TTC28: variants seen among roughly 807,000 people sequenced by gnomAD.
TTC28 encodes the protein tetratricopeptide repeat protein 28.
Under a neutral mutation model 198.0 loss-of-function variants are expected in TTC28, and 61 were observed. The ratio of observed to expected loss-of-function variants is 0.31; its 90% CI spans 0.25 to 0.38. TTC28 has a LOEUF of 0.38. Among genes scored for constraint, TTC28 ranks in the 10% least tolerant of loss-of-function variants. TTC28 has a pLI of 1.00. For synonymous variants in TTC28, 1,171 were observed against 1,297.8 expected (o/e 0.90, Z 2.10); for missense variants, 2,678 against 3,164.0 (o/e 0.85, Z 3.69).
chr22:27,987,593 G>A (rs926704746), intron 21 of TTC28, among the ~76,000 whole-genome samples: 4 of 152,146 alleles, frequency 2.6e-5, no homozygotes, highest in African/African-American at 9.7e-5. Context: ...TTAGCTGGGC[G>A]TGGGTGGTGC....
At chr22:28,465,315 T>A (rs1047808744) in intron 2 of TTC28, among the ~76,000 whole-genome samples, 6 of 152,136 alleles carry the variant, frequency 3.9e-5, no homozygotes, top group African/African-American at 1.4e-4. Flanking sequence ...CCCAACTTTA[T>A]AGGAGGCACA....
chr22:28,276,317 A>G (rs1298085995), intron 5 of TTC28, among the ~76,000 whole-genome samples: 2 of 152,026 alleles, frequency 1.3e-5, no homozygotes, highest in Admixed American at 6.6e-5. Flanking sequence ...CTGGCCCACT[A>G]TTTTTTATTA....
At chr22:28,520,022 A>C (rs771367048) in intron 2 of TTC28, among the ~76,000 whole-genome samples, 3 of 152,224 alleles carry the variant, frequency 2.0e-5, no homozygotes, top group Non-Finnish European at 4.4e-5. Context: ...ACTATTTTAC[A>C]GTTCTAATAT....
At chr22:28,389,129 T>C (rs2046669755) in intron 2 of TTC28, among the ~76,000 whole-genome samples, 1 of 152,234 alleles carries the variant, frequency 6.6e-6, no homozygotes, top group Admixed American at 6.5e-5. Context: ...GTTCTGTTTA[T>C]ATACTGGATT....
intron 2 of TTC28, among the ~76,000 whole-genome samples, chr22:28,503,285 C>T (rs1255527989): frequency 6.6e-6 from 1 of 152,148 alleles, no homozygotes; most frequent in African/African-American, 2.4e-5. Context: ...ATGCTCTCAT[C>T]CCCAGCTGTA....
intron 6 of TTC28, among the ~76,000 whole-genome samples, chr22:28,145,058 T>C (rs928460531): frequency 6.6e-6 from 1 of 152,202 alleles, no homozygotes; most frequent in Non-Finnish European, 1.5e-5. Flanking sequence ...TCAGTTCCTG[T>C]GGCATCACAG....
At chr22:28,112,871 G>C (rs1454341342) in intron 6 of TTC28, among the ~76,000 whole-genome samples, 1 of 152,138 alleles carries the variant, frequency 6.6e-6, no homozygotes, top group African/African-American at 2.4e-5. Flanking sequence ...TCCTCACAAA[G>C]CCGAGTTCTC....
intron 2 of TTC28, among the ~76,000 whole-genome samples, chr22:28,465,349 G>A (rs1270051637): frequency 1.3e-5 from 2 of 151,878 alleles, no homozygotes; most frequent in African/African-American, 2.4e-5. Flanking sequence ...TCCTGGGCCG[G>A]GCACCGTGGC....
rs926859091 is a variant in TTC28, at chr22:28,163,298, T to C, written c.1235A>G (p.Lys412Arg). 1 of 1,551,900 alleles carries C rather than the reference T, an allele frequency of 6.4e-7. No individual in the cohort carries two copies. Among genetic ancestry groups the C allele is most frequent in the African/African-American group, 1.4e-5 (1 of 73,054 alleles). ...SAYHYRRNFD[K>R]AMSYHNYVLE... ...GACATAGTTATGGTAAGACATGGCC[T>C]TGTCAAAGTTCCTCCGGTAGTGATA... The change falls in exon 6 of 23, where the codon AAG becomes AGG. Residue 412 changes from lysine to arginine, a missense_variant. Transcript: ENST00000397906.
chr22:28,460,348 G>A (rs1402003331), intron 2 of TTC28, among the ~76,000 whole-genome samples: 2 of 151,778 alleles, frequency 1.3e-5, no homozygotes, highest in Non-Finnish European at 2.9e-5. Context: ...GGAGATAGAA[G>A]GATATAAAAT....
At chr22:28,589,660 T>C (rs1398570130) in intron 2 of TTC28, among the ~76,000 whole-genome samples, 4 of 152,164 alleles carry the variant, frequency 2.6e-5, no homozygotes, top group Non-Finnish European at 2.9e-5. Context: ...ATTTTATCAC[T>C]CAAGATTGTT....
chr22:28,497,655 G>T (rs773494765), intron 2 of TTC28, among the ~76,000 whole-genome samples: 1 of 152,110 alleles, frequency 6.6e-6, no homozygotes, highest in Non-Finnish European at 1.5e-5. Context: ...AACTACAGTG[G>T]GCGGCTAGGG....
chr22:28,351,452 T>C (rs1482660105), intron 2 of TTC28, among the ~76,000 whole-genome samples: 1 of 152,182 alleles, frequency 6.6e-6, no homozygotes, highest in African/African-American at 2.4e-5. Context: ...CCATATATGC[T>C]TTGAGACGTG....
rs1257696971 is a variant in TTC28 at position 27,993,361 on chromosome 22, G to A, written c.5402C>T (p.Ala1801Val). 9 of 1,550,684 alleles carry A rather than the reference G, an allele frequency of 5.8e-6. No individual in the cohort carries two copies. Among genetic ancestry groups the A allele is most frequent in the African/African-American group, 1.4e-5 (1 of 73,064 alleles). Residue 1801 changes from alanine to valine, a missense_variant, in exon 18 of 23, where the codon GCG becomes GTG. By Grantham distance (64) the Ala-to-Val change is moderately conservative. This residue lies in a region of TTC28 where 314 missense variants were observed against 442.7 expected (regional missense o/e 0.71). Coordinates refer to ENST00000397906, the MANE Select transcript of TTC28 (RefSeq NM_001145418.2). ...GTCGGAGGTTGGGAAGAAGACAGCC[G>A]CTGGCAGGCCACTGGTTGGGGGGTC... ...RLDPPTSGLP[A>V]AVFFPTSDPG... is the part of the protein sequence containing the mutation.
intron 14 of TTC28, among the ~76,000 whole-genome samples, chr22:28,006,129 C>A (rs1053248013): frequency 6.6e-6 from 1 of 152,080 alleles, no homozygotes; most frequent in Non-Finnish European, 1.5e-5. Context: ...GGTCAGCCTG[C>A]CAAGTCAGGG....
At chr22:28,282,333 G>C (rs1264464367) in intron 5 of TTC28, among the ~76,000 whole-genome samples, 1 of 152,148 alleles carries the variant, frequency 6.6e-6, no homozygotes, top group African/African-American at 2.4e-5. Flanking sequence ...AATGAAAATA[G>C]TCTATGATTC....
Position 27,979,275 on chromosome 22 carries a change from T to G in TTC28, c.*2946A>C, listed in dbSNP as rs946102570. On this transcript the variant is annotated 3_prime_UTR_variant, in exon 23 of 23. Coordinates refer to ENST00000397906, the MANE Select transcript of TTC28 (RefSeq NM_001145418.2). ...CGGGCGGATCCCCTGAGGTCAGGAGTTCGAGACCAGCCTGGCCAACATGGT... is the reference window on the plus strand; with the variant it reads ...CGGGCGGATCCCCTGAGGTCAGGAGGTCGAGACCAGCCTGGCCAACATGGT... The G allele has an allele frequency of 1.4e-4, 22 of 151,890 alleles. No individual in the cohort carries two copies. The highest frequency in any genetic ancestry group is 5.1e-4 in the African/African-American group (21 of 41,298). 9.4% of individuals were successfully genotyped at this position (151,890 alleles called of 1,614,324 possible). A position where few individuals can be genotyped will look rare whatever the true frequency, so the allele number is the denominator to read the frequency against.
At chr22:28,291,964 C>G (rs2044795709) in intron 5 of TTC28, among the ~76,000 whole-genome samples, 1 of 151,720 alleles carries the variant, frequency 6.6e-6, no homozygotes, top group Non-Finnish European at 1.5e-5. Context: ...TAAATATAAA[C>G]AATTATAATT....
At chr22:28,052,184 T>C (rs1940114569) in intron 12 of TTC28, among the ~76,000 whole-genome samples, 1 of 152,210 alleles carries the variant, frequency 6.6e-6, no homozygotes, top group South Asian at 2.1e-4. Context: ...AAGTACCATA[T>C]ATGTGCGGAA....
Sources: gnomAD v4.1 joint callset for allele counts (sites outside exome capture counted in the v4.1 genomes callset) on GRCh38, gnomAD v4.1.1 for gene constraint, gnomAD v4.1.1 regional missense constraint, MANE v1.5 for transcripts, NCBI Gene and HGNC (gene_info 2026-07-23, HGNC 2026-07-21) for gene names.